Variants in TSHZ2 observed in about 807,000 individuals in gnomAD.
The protein encoded by TSHZ2 is teashirt zinc finger homeobox 2, also known as teashirt homolog 2.
A neutral mutation model predicts 74.4 loss-of-function variants in TSHZ2; 21 were observed. The ratio of observed to expected loss-of-function variants is 0.28; its 90% CI spans 0.20 to 0.41. The LOEUF (loss-of-function observed/expected upper bound fraction) is 0.41. Ranked by LOEUF, TSHZ2 falls within the 10% of genes least tolerant of loss-of-function variation. TSHZ2 has a pLI of 1.00. For synonymous variants in TSHZ2, 540 were observed against 515.3 expected (o/e 1.05, Z -0.65); for missense variants, 1,244 against 1,293.5 (o/e 0.96, Z 0.59).
chr20:53,228,020 T>G (rs1024689954), intron 1 of TSHZ2, among the ~76,000 whole-genome samples: 1 of 39,278 alleles, frequency 2.5e-5, no homozygotes, highest in Non-Finnish European at 5.5e-5. Flanking sequence ...TCAAATGGTG[T>G]TTTTTTTTTT....
At chr20:53,024,459 A>C (rs1234707091) in intron 1 of TSHZ2, among the ~76,000 whole-genome samples, 3 of 151,852 alleles carry the variant, frequency 2.0e-5, no homozygotes, top group Admixed American at 6.6e-5. Flanking sequence ...GAAGAACATT[A>C]AACCATGGTT....
chr20:53,362,190 T>TAG (rs1981086336), intron 2 of TSHZ2, among the ~76,000 whole-genome samples: 1 of 33,012 alleles, frequency 3.0e-5, no homozygotes, highest in African/African-American at 1.3e-4. Flanking sequence ...TGTTGTTTTT[T>TAG]TGTTTTTTTT....
Position 53,118,385 on chromosome 20 carries a change from G to A in TSHZ2, c.41-135114G>A, listed in dbSNP as rs573937336. ...CAGAGCCTGAGGCAGGGATTTAGGT[G>A]CTGGTGATTTATAGAGGGAGAGGTC... On this transcript the variant is annotated intron_variant, in intron 1 of 2. Transcript: ENST00000371497. 1.3e-3 allele frequency among the ~76,000 whole-genome samples: 192 copies of A among 152,272 alleles called. 1 individual carries two copies. The highest frequency in any genetic ancestry group is 1.3e-3 in the Non-Finnish European group (89 of 68,020).
At chr20:53,166,012 G>A (rs59618528) in intron 1 of TSHZ2, among the ~76,000 whole-genome samples, 2,995 of 152,180 alleles carry the variant, frequency 0.02, 114 homozygotes, top group African/African-American at 0.068. Flanking sequence ...TAGTTGTCCC[G>A]TTCCCAAATC....
intron 1 of TSHZ2, among the ~76,000 whole-genome samples, chr20:53,190,385 C>T (rs1988709857): frequency 6.6e-6 from 1 of 151,422 alleles, no homozygotes. Flanking sequence ...GGTTCAAAGA[C>T]AGGAAGTGGC....
At chr20:53,315,989 A>G (rs1271466209) in intron 2 of TSHZ2, among the ~76,000 whole-genome samples, 1 of 152,196 alleles carries the variant, frequency 6.6e-6, no homozygotes, top group African/African-American at 2.4e-5. Flanking sequence ...AGAGGGAAGA[A>G]CACATAATAA....
At position 53,027,674 on chromosome 20, in the gene TSHZ2, G is replaced by T. The variant is rs528661621; in HGVS notation, c.40+54341G>T. Reference sequence around the variant, plus strand: ...AGACCCCTGCTGGGTGCAGGGGATCGCTTGAGCCCAGGAGTTTGAAGCTGC... The same window carrying T: ...AGACCCCTGCTGGGTGCAGGGGATCTCTTGAGCCCAGGAGTTTGAAGCTGC... On this transcript the variant is annotated intron_variant, in intron 1 of 2. Transcript: ENST00000371497. Among the ~76,000 whole-genome samples, 7 of 152,226 alleles carry T rather than the reference G, an allele frequency of 4.6e-5. No homozygotes were observed. In the South Asian group the frequency reaches 1.5e-3, roughly 32 times the overall value.
chr20:53,258,372 G>A (rs1324178973), intron 2 of TSHZ2, among the ~76,000 whole-genome samples: 2 of 151,968 alleles, frequency 1.3e-5, no homozygotes, highest in African/African-American at 2.4e-5. Context: ...AAAAAAAAGA[G>A]GGGGGGCATA....
intron 1 of TSHZ2, among the ~76,000 whole-genome samples, chr20:53,229,747 A>C (rs1282427026): frequency 6.6e-6 from 1 of 151,586 alleles, no homozygotes; most frequent in African/African-American, 2.4e-5. Context: ...TGGCTGACAG[A>C]ATCGAAAGAA....
chr20:53,405,357 GATCT>G (rs1982811503), intron 2 of TSHZ2, among the ~76,000 whole-genome samples: 1 of 152,086 alleles, frequency 6.6e-6, no homozygotes. Context: ...GTCCTATGAT[GATCT>G]ATTAGGATTG....
At chr20:53,393,762 T>C (rs1982346125) in intron 2 of TSHZ2, among the ~76,000 whole-genome samples, 2 of 152,188 alleles carry the variant, frequency 1.3e-5, no homozygotes, top group African/African-American at 2.4e-5. Context: ...GGCTTTGATA[T>C]TGTACTCCAG....
intron 1 of TSHZ2, among the ~76,000 whole-genome samples, chr20:53,132,225 T>A (rs1987123300): frequency 6.6e-6 from 1 of 152,056 alleles, no homozygotes; most frequent in South Asian, 2.1e-4. Flanking sequence ...TAGCTTAGGA[T>A]TTCAGTCAAG....
chr20:53,412,458 G>A (rs1318262142), intron 2 of TSHZ2: 4 of 152,228 alleles, frequency 2.6e-5, no homozygotes, highest in African/African-American at 7.2e-5. Flanking sequence ...CCATTTTTAA[G>A]TGTACAGTTC....
intron 2 of TSHZ2, among the ~76,000 whole-genome samples, chr20:53,376,501 G>T (rs1981661997): frequency 6.6e-6 from 1 of 152,160 alleles, no homozygotes; most frequent in South Asian, 2.1e-4. Flanking sequence ...CCAAAACTTA[G>T]AGGCTTAAAA....
intron 2 of TSHZ2, among the ~76,000 whole-genome samples, chr20:53,410,165 G>A (rs1220610957): frequency 6.6e-6 from 1 of 152,078 alleles, no homozygotes; most frequent in Admixed American, 6.6e-5. Context: ...CATTTTTAAT[G>A]TTCACTCTGA....
intron 1 of TSHZ2, chr20:53,179,112 T>C (rs1988413497): frequency 6.6e-6 from 1 of 152,054 alleles, no homozygotes; most frequent in African/African-American, 2.4e-5. Flanking sequence ...GGAAACATTT[T>C]CTGATCTCAA....
At position 53,065,232 on chromosome 20, in the gene TSHZ2, T is replaced by C. The variant is rs144076842; in HGVS notation, c.40+91899T>C. On this transcript the variant is annotated intron_variant, in intron 1 of 2. Transcript: ENST00000371497. ...AGACTAGTAGCAAGAAATTAAAACA[T>C]AGTAACTATTTTATTATTATTACAA... Among the ~76,000 whole-genome samples, 1,146 of 152,334 alleles carry C rather than the reference T, an allele frequency of 7.5e-3. 4 individuals carry two copies. Among genetic ancestry groups the C allele is most frequent in the Non-Finnish European group, 0.013 (866 of 68,032 alleles).
intron 1 of TSHZ2, among the ~76,000 whole-genome samples, chr20:53,226,154 ACACACATG>A (rs1259185662): frequency 3.2e-4 from 47 of 145,784 alleles, no homozygotes; most frequent in Non-Finnish European, 5.5e-4. Context: ...ACACACACAC[ACACACATG>A]CACACAAACA....
At chr20:53,325,661 CTTTG>C (rs1255600379) in intron 2 of TSHZ2, among the ~76,000 whole-genome samples, 3 of 130,860 alleles carry the variant, frequency 2.3e-5, no homozygotes, top group Admixed American at 7.7e-5. Context: ...GGGGGAACTG[CTTTG>C]TTTGTTGTTT....
Sources: gnomAD v4.1 joint callset for allele counts (sites outside exome capture counted in the v4.1 genomes callset) on GRCh38, gnomAD v4.1.1 for gene constraint, MANE v1.5 for transcripts, NCBI Gene and HGNC (gene_info 2026-07-23, HGNC 2026-07-21) for gene names.